CC2D1A: variants seen among roughly 807,000 people sequenced by gnomAD.
The protein encoded by CC2D1A is coiled-coil and C2 domain-containing protein 1A.
In CC2D1A, 68 loss-of-function variants were observed where a neutral mutation model predicts 123.8. That is an observed-to-expected ratio of 0.55 (90% CI 0.45 to 0.67). The LOEUF is 0.67. CC2D1A is among the 30% of genes least tolerant of loss of function. The pLI is 0.00. For missense variants in CC2D1A, 1,185 were observed against 1,290.3 expected (o/e 0.92, Z 1.25); for synonymous variants, 477 against 528.0 (o/e 0.90, Z 1.32).
At chr19:13,907,389 G>A (rs1437195954) in intron 1 of CC2D1A, among the ~76,000 whole-genome samples, 1 of 152,100 alleles carries the variant, frequency 6.6e-6, no homozygotes, top group East Asian at 1.9e-4. Context: ...TCCAGCCTGG[G>A]TGACAGAACA....
Position 13,930,211 on chromosome 19 carries a change from G to C in CC2D1A, c.2788-31G>C, listed in dbSNP as rs1372299769. ...GCAGCGGGCAGGGTGGGGCCTGCAG[G>C]GACTACCTGCTGAATGCCCATCCCC... On this transcript the variant is annotated intron_variant, in intron 27 of 28. Coordinates refer to ENST00000318003, the MANE Select transcript of CC2D1A (RefSeq NM_017721.5). The surrounding 1 kb of genome is among the most constrained non-coding windows in gnomAD (Gnocchi z 6.8). 6.2e-7 allele frequency: 1 copy of C among 1,613,828 alleles called. No homozygotes were observed. The highest frequency in any genetic ancestry group is 1.7e-4 in the Middle Eastern group (1 of 6,058).
At chr19:13,911,592 C>T (rs1971000619) in intron 2 of CC2D1A, among the ~76,000 whole-genome samples, 1 of 148,580 alleles carries the variant, frequency 6.7e-6, no homozygotes. Context: ...GTTGCCCAGG[C>T]TGCAGTGCAG....
At chr19:13,908,289 C>T (rs1181926279) in intron 1 of CC2D1A, among the ~76,000 whole-genome samples, 1 of 150,848 alleles carries the variant, frequency 6.6e-6, no homozygotes, top group Non-Finnish European at 1.5e-5. Context: ...GGGTTACAGG[C>T]GTGAGCCACC....
chr19:13,927,350 C>T, intron 22 of CC2D1A, 85 bp downstream of exon 22: 2 of 1,165,638 alleles, frequency 1.7e-6, no homozygotes, highest in Non-Finnish European at 2.5e-6. Flanking sequence ...CTTGAGCCCT[C>T]TATGAGCCTG....
At position 13,919,051 on chromosome 19, in the gene CC2D1A, G is replaced by A; in HGVS notation, c.1149+9G>A. ...ACGAGCGCATCGTCAAGGTGCCCTGGGGGTTCCGGGGGAGGTGGGGCGAGT... is the reference window on the plus strand; with the variant it reads ...ACGAGCGCATCGTCAAGGTGCCCTGAGGGTTCCGGGGGAGGTGGGGCGAGT... On this transcript the variant is annotated intron_variant, in intron 10 of 28. Transcript: ENST00000318003. The A allele has an allele frequency of 6.2e-7, 1 of 1,604,336 alleles. No homozygotes were observed. The highest frequency in any genetic ancestry group is 8.5e-7 in the Non-Finnish European group (1 of 1,174,340).
At chr19:13,917,238 G>A (rs185031625) in intron 6 of CC2D1A, among the ~76,000 whole-genome samples, 17 of 152,270 alleles carry the variant, frequency 1.1e-4, no homozygotes, top group Non-Finnish European at 1.6e-4. Context: ...GGGAAGCTGA[G>A]GTGGGAGGAT....
chr19:13,918,770 C>T lies in CC2D1A; in HGVS notation c.971C>T (p.Ser324Leu). 1.2e-6 allele frequency: 2 copies of T among 1,613,260 alleles called. No homozygotes were observed. Among genetic ancestry groups the T allele is most frequent in the Admixed American group, 1.7e-5 (1 of 59,928 alleles). ...GACCAGCTGCCCCCAGACCCACCGT[C>T]ACCACCGTCGCAGCCTCCGACCCCC... ...PPDQLPPDPP[S>L]PPSQPPTPAT... Residue 324 changes from serine to leucine, a missense_variant, in exon 9 of 29, where the codon TCA (serine) becomes TTA (leucine). Coordinates refer to ENST00000318003, the MANE Select transcript of CC2D1A (RefSeq NM_017721.5).
intron 4 of CC2D1A, 78 bp from the exon 5 acceptor site, chr19:13,913,090 G>A (rs574934350): frequency 3.5e-6 from 5 of 1,423,786 alleles, no homozygotes; most frequent in East Asian, 2.5e-5. Context: ...ACATGGGGCC[G>A]ACTGTTACTG....
chr19:13,924,271 T>C (rs369185354), intron 17 of CC2D1A, among the ~76,000 whole-genome samples: 1 of 152,004 alleles, frequency 6.6e-6, no homozygotes, highest in Admixed American at 6.6e-5. Flanking sequence ...CCTGGATTCA[T>C]GCCATTCTCC....
intron 24 of CC2D1A, 89 bp downstream of exon 24, chr19:13,928,277 A>C: frequency 8.9e-7 from 1 of 1,129,418 alleles, no homozygotes; most frequent in Non-Finnish European, 1.3e-6. Context: ...CACAAATTGG[A>C]CCACGTCCCT....
In CC2D1A at chr19:13,913,641, A is replaced by G; in HGVS notation, c.748+3A>G. The G allele has an allele frequency of 6.3e-7, 1 of 1,598,182 alleles. No individual in the cohort carries two copies. Among genetic ancestry groups the G allele is most frequent in the Non-Finnish European group, 8.5e-7 (1 of 1,170,336 alleles). On this transcript the variant is annotated splice_donor_region_variant and intron_variant, in intron 6 of 28. Coordinates refer to ENST00000318003, the MANE Select transcript of CC2D1A (RefSeq NM_017721.5). ...GGCTAAGCCCCAGATGCCCCCAGGT[A>G]GGTGATGGGCAGGGCCGGGCTGATA...
chr19:13,928,662 G>T (rs1416651703), intron 24 of CC2D1A, among the ~76,000 whole-genome samples: 5 of 150,450 alleles, frequency 3.3e-5, no homozygotes, highest in African/African-American at 1.2e-4. Context: ...ACACCGGGTG[G>T]TTCTCGGCTG....
In CC2D1A at chr19:13,930,200, G is replaced by C. The variant is rs1971849838; in HGVS notation, c.2788-42G>C. On this transcript the variant is annotated intron_variant, in intron 27 of 28. Coordinates refer to ENST00000318003, the MANE Select transcript of CC2D1A (RefSeq NM_017721.5). This position sits in a 1 kb window ranked among gnomAD's most constrained non-coding sequence, Gnocchi z 6.8. ...GTGGGCACTGGGCAGCGGGCAGGGT[G>C]GGGCCTGCAGGGACTACCTGCTGAA... is the stretch of plus-strand genomic sequence containing the variant. 6.3e-7 allele frequency: 1 copy of C among 1,597,282 alleles called. No individual in the cohort carries two copies.
chr19:13,920,845 A>G lies in CC2D1A; in HGVS notation c.1564A>G (p.Met522Val), dbSNP rs1373268207. The stretch of plus-strand genomic sequence containing the variant: ...GAAAAACGACGTGGAGGGTGCCAAG[A>G]TGCACCTGCGCCAAGCCAAGGGACT... ...KQKNDVEGAK[M>V]HLRQAKGLEP... The change falls in exon 14 of 29, where the codon ATG becomes GTG. Residue 522 changes from methionine (M) to valine (V), a missense_variant. Met to Val is a conservative substitution (Grantham distance 21). Transcript: ENST00000318003. The G allele has an allele frequency of 3.1e-6, 5 of 1,614,028 alleles. No individual in the cohort carries two copies. Among genetic ancestry groups the G allele is most frequent in the Non-Finnish European group, 4.2e-6 (5 of 1,180,032 alleles).
chr19:13,913,194 G>T lies in CC2D1A; in HGVS notation c.405G>T (p.Gly135=). ...AQPKPEAPHP[G]LETTLQERLA... Reference sequence around the variant, plus strand: ...CGAAGCCTGAGGCCCCTCATCCGGGGCTGGAGACCACCTTGCAGGAGAGGC... The same window carrying T: ...CGAAGCCTGAGGCCCCTCATCCGGGTCTGGAGACCACCTTGCAGGAGAGGC... Residue 135 remains glycine, a synonymous_variant, in exon 5 of 29, where the codon GGG becomes GGT. Coordinates refer to ENST00000318003, the MANE Select transcript of CC2D1A (RefSeq NM_017721.5). 1 of 1,612,962 alleles carries T rather than the reference G, an allele frequency of 6.2e-7. No individual in the cohort carries two copies. The highest frequency in any genetic ancestry group is 2.2e-5 in the East Asian group (1 of 44,866).
chr19:13,911,533 TTG>T (rs1322996927), intron 2 of CC2D1A, among the ~76,000 whole-genome samples: 4 of 145,808 alleles, frequency 2.7e-5, no homozygotes, highest in Non-Finnish European at 4.4e-5. Context: ...TTTGTTGTTG[TTG>T]TGTGTGTGTG....
chr19:13,919,679 A>G (rs1388229781), intron 11 of CC2D1A, 139 bp from the exon 12 acceptor site: 2 of 808,434 alleles, frequency 2.5e-6, no homozygotes, highest in East Asian at 7.0e-5. Context: ...TCCTGTCTCA[A>G]AAAAAAAAAA....
chr19:13,913,254 A>C lies in CC2D1A; in HGVS notation c.465A>C (p.Arg155Ser), dbSNP rs1971068427. ...ALYQTAIESA[R>S]QAGDSAKMRR... ...ATCAGACAGCAATTGAAAGCGCCAG[A>C]CAAGCTGGAGACAGCGCCAAGATGC... is the stretch of plus-strand genomic sequence containing the variant. The change falls in exon 5 of 29, where the codon AGA (arginine) becomes AGC (serine). Residue 155 changes from arginine to serine, a missense_variant. By Grantham distance (110) the Arg-to-Ser change is moderately radical (BLOSUM62 -1). Coordinates refer to ENST00000318003, the MANE Select transcript of CC2D1A (RefSeq NM_017721.5). 1 of 1,613,790 alleles carries C rather than the reference A, an allele frequency of 6.2e-7. No homozygotes were observed. The highest frequency in any genetic ancestry group is 8.5e-7 in the Non-Finnish European group (1 of 1,179,938).
At chr19:13,929,230 C>A in intron 24 of CC2D1A, 149 bp from the exon 25 acceptor site, 1 of 770,076 alleles carries the variant, frequency 1.3e-6, no homozygotes, top group Non-Finnish European at 2.2e-6. Flanking sequence ...TGGTCTCGAA[C>A]TCCTGACCTC....
Sources: allele counts gnomAD v4.1 joint callset (sites outside exome capture counted in the v4.1 genomes callset), GRCh38; gene constraint gnomAD v4.1.1; non-coding constraint Gnocchi (gnomAD v3.1); transcripts MANE v1.5; gene names NCBI Gene and HGNC (gene_info 2026-07-23, HGNC 2026-07-21).